The following TMCC1 variants were observed in gnomAD, a reference collection of about 807,000 sequenced individuals.
TMCC1 encodes the protein transmembrane and coiled-coil domain family 1.
In TMCC1, 15 loss-of-function variants were observed where a neutral mutation model predicts 52.4. That is an observed-to-expected ratio of 0.29 (90% CI 0.19 to 0.44). TMCC1 has a LOEUF of 0.44. TMCC1 is among the 20% of genes least tolerant of loss of function. TMCC1 has a pLI of 1.00. For missense variants in TMCC1, 503 were observed against 806.0 expected, an observed-to-expected ratio of 0.62 and a Z score of 4.55; for synonymous variants, 279 against 301.9, an observed-to-expected ratio of 0.92 and a Z score of 0.79.
At position 129,744,405 on chromosome 3, in the gene TMCC1, A is replaced by G. The variant is rs1186735272; in HGVS notation, c.577-73141T>C. On this transcript the variant is annotated intron_variant, in intron 4 of 6. Coordinates refer to ENST00000393238, the MANE Select transcript of TMCC1 (RefSeq NM_001017395.5). ...TGGGCTCAAGCAATCCTCCTAACTC[A>G]GCGTCCGAAAGCACTGGGATTACAG... Among the ~76,000 whole-genome samples the G allele has an allele frequency of 7.2e-5, 11 of 152,070 alleles. No homozygotes were observed. The East Asian group carries it at 1.2e-3, about 16-fold the overall frequency.
At chr3:129,838,298 T>G (rs1191568675) in intron 2 of TMCC1, among the ~76,000 whole-genome samples, 1 of 151,694 alleles carries the variant, frequency 6.6e-6, no homozygotes, top group Non-Finnish European at 1.5e-5. Flanking sequence ...CCCAGCTACT[T>G]GAGAAGCCTG....
intron 4 of TMCC1, among the ~76,000 whole-genome samples, chr3:129,817,804 C>T (rs763618162): frequency 6.6e-5 from 10 of 151,934 alleles, no homozygotes; most frequent in Admixed American, 5.9e-4. Context: ...TGCACCACCA[C>T]ACCCAGCTAA....
At chr3:129,668,651 G>T (rs1249806392) in intron 5 of TMCC1, among the ~76,000 whole-genome samples, 2 of 152,192 alleles carry the variant, frequency 1.3e-5, no homozygotes. Context: ...TTGACACGGA[G>T]TTTTGCTCTT....
chr3:129,699,375 CA>C (rs939636599), intron 4 of TMCC1, among the ~76,000 whole-genome samples: 4 of 152,178 alleles, frequency 2.6e-5, no homozygotes, highest in African/African-American at 9.7e-5. Context: ...TGACAGTTTA[CA>C]AATGCCATGG....
At chr3:129,760,436 T>TGTG (rs1560352767) in intron 4 of TMCC1, among the ~76,000 whole-genome samples, 132 of 113,972 alleles carry the variant, frequency 1.2e-3, no homozygotes, top group East Asian at 4.5e-3. Flanking sequence ...GTGTGTGTGT[T>TGTG]TTTGAGACAG....
chr3:129,818,367 C>T (rs938857087), intron 4 of TMCC1, among the ~76,000 whole-genome samples: 3 of 151,540 alleles, frequency 2.0e-5, no homozygotes, highest in African/African-American at 4.8e-5. Flanking sequence ...AGAACAGTTT[C>T]AAAGAAACTT....
intron 4 of TMCC1, among the ~76,000 whole-genome samples, chr3:129,727,222 C>T (rs1416945230): frequency 6.6e-6 from 1 of 152,098 alleles, no homozygotes; most frequent in Non-Finnish European, 1.5e-5. Flanking sequence ...TGCCTTATAG[C>T]TTCACTATAT....
chr3:129,677,998 C>T (rs190749141), intron 4 of TMCC1, among the ~76,000 whole-genome samples: 32 of 152,306 alleles, frequency 2.1e-4, no homozygotes, highest in African/African-American at 7.2e-4. Flanking sequence ...ATGATCTTGG[C>T]TCACTGCAAC....
chr3:129,753,090 G>T (rs2052680381), intron 4 of TMCC1, among the ~76,000 whole-genome samples: 1 of 152,190 alleles, frequency 6.6e-6, no homozygotes, highest in African/African-American at 2.4e-5. Context: ...CCAACTCTGG[G>T]AATGTGACAT....
In TMCC1 at chr3:129,889,921, TA is replaced by T. The variant is rs3042659; in HGVS notation, c.-435+3572del. ...AAAATATACTTCAGAGTAGCAAAGT[TA>T]AAAAAAAAAAAAAAGAATAAACTAA... is the stretch of plus-strand genomic sequence containing the variant. On this transcript the variant is annotated intron_variant, in intron 1 of 6. Coordinates refer to ENST00000393238, the MANE Select transcript of TMCC1 (RefSeq NM_001017395.5). Among the ~76,000 whole-genome samples, 1,035 of 134,794 alleles carry T rather than the reference TA, an allele frequency of 7.7e-3. 3 individuals carry two copies. Among genetic ancestry groups the T allele is most frequent in the African/African-American group, 0.013 (477 of 37,482 alleles). 88.4% of individuals were successfully genotyped at this position (134,794 alleles called of 152,430 possible).
At chr3:129,852,890 T>C (rs1209053468) in intron 2 of TMCC1, among the ~76,000 whole-genome samples, 1 of 152,224 alleles carries the variant, frequency 6.6e-6, no homozygotes, top group Admixed American at 6.5e-5. Flanking sequence ...CTTAACATTT[T>C]ATAAAATTCT....
At chr3:129,834,496 C>G (rs867888275) in intron 2 of TMCC1, among the ~76,000 whole-genome samples, 1 of 151,984 alleles carries the variant, frequency 6.6e-6, no homozygotes, top group African/African-American at 2.4e-5. Flanking sequence ...AACCTAAAGG[C>G]CAAAACAGGT....
chr3:129,731,237 A>G (rs2050512501), intron 4 of TMCC1, among the ~76,000 whole-genome samples: 1 of 152,248 alleles, frequency 6.6e-6, no homozygotes, highest in Non-Finnish European at 1.5e-5. Flanking sequence ...ATCAATTTAT[A>G]CAGGAAAAGC....
chr3:129,809,354 G>A lies in TMCC1; in HGVS notation c.576+18449C>T, dbSNP rs545447364. Among the ~76,000 whole-genome samples the A allele has an allele frequency of 1.1e-4, 17 of 151,804 alleles. No individual in the cohort carries two copies. The South Asian group carries it at 3.5e-3, about 32-fold the overall frequency. On this transcript the variant is annotated intron_variant, in intron 4 of 6. Transcript: ENST00000393238. Reference sequence around the variant, plus strand: ...TAGAAGATTCACAAGCAAGTAAAATGTTTCATACTCCTAGTGTTGGAAAGC... The same window carrying A: ...TAGAAGATTCACAAGCAAGTAAAATATTTCATACTCCTAGTGTTGGAAAGC...
In TMCC1 at chr3:129,671,241, G is replaced by A. The variant is rs775589984; in HGVS notation, c.600C>T (p.Ser200=). 4.7e-5 allele frequency: 76 copies of A among 1,612,478 alleles called. No homozygotes were observed. The highest frequency in any genetic ancestry group is 6.3e-5 in the Non-Finnish European group (74 of 1,178,944). The change falls in exon 5 of 7, where the codon AGC becomes AGT. Residue 200 remains serine (S), a synonymous_variant. Coordinates refer to ENST00000393238, the MANE Select transcript of TMCC1 (RefSeq NM_001017395.5). ...CCACTGCACTGGATGTTTGGGCAAG[G>A]CTGCTTACTTCCAACCGTTCGATCT... ...AERIERLEVS[S]LAQTSSAVAS...
intron 4 of TMCC1, among the ~76,000 whole-genome samples, chr3:129,806,078 G>C (rs1239365651): frequency 2.0e-5 from 3 of 152,204 alleles, no homozygotes; most frequent in African/African-American, 7.2e-5. Context: ...TGTCACAGAA[G>C]TGAGATTCCT....
rs953154718 is a variant in TMCC1 at position 129,648,737 on chromosome 3, A to T, written c.*2744T>A. 2 of 152,074 alleles carry T rather than the reference A, an allele frequency of 1.3e-5. No homozygotes were observed. Among genetic ancestry groups the T allele is most frequent in the Non-Finnish European group, 2.9e-5 (2 of 68,010 alleles). The allele number at this position is 152,074 out of a possible 1,614,324, so 9.4% of individuals were successfully genotyped here. A position where few individuals can be genotyped will look rare whatever the true frequency, so the allele number is the denominator to read the frequency against. On this transcript the variant is annotated 3_prime_UTR_variant, in exon 7 of 7. Coordinates refer to ENST00000393238, the MANE Select transcript of TMCC1 (RefSeq NM_001017395.5). ...CAAATGAGGGGACGTTTCCACCCAG[A>T]ACAACTGTTAAGCCATTAGAGCGAG...
At chr3:129,675,812 C>T (rs1372254665) in intron 4 of TMCC1, among the ~76,000 whole-genome samples, 4 of 151,938 alleles carry the variant, frequency 2.6e-5, no homozygotes, top group African/African-American at 4.8e-5. Flanking sequence ...CCGAGGCAGG[C>T]GGATCACGAG....
chr3:129,839,489 G>C (rs1195566801), intron 2 of TMCC1, among the ~76,000 whole-genome samples: 1 of 152,084 alleles, frequency 6.6e-6, no homozygotes, highest in East Asian at 1.9e-4. Flanking sequence ...CCACACAGGC[G>C]CATGCCTATA....
Sources: gnomAD v4.1 joint callset for allele counts (sites outside exome capture counted in the v4.1 genomes callset) on GRCh38, gnomAD v4.1.1 for gene constraint, MANE v1.5 for transcripts, NCBI Gene and HGNC (gene_info 2026-07-23, HGNC 2026-07-21) for gene names.